The following MYLK4 variants were observed in gnomAD, a reference collection of about 807,000 sequenced individuals.
The protein encoded by MYLK4 is caMLCK like.
MYLK4 carries 46 observed loss-of-function variants against 48.1 expected under a neutral mutation model. The observed-to-expected ratio is 0.96, with a 90% CI of 0.75 to 1.22. The LOEUF is 1.22. MYLK4 is among the 50% of genes most tolerant of loss of function. The probability of loss-of-function intolerance (pLI) is 0.00; values close to 1 mark genes in which losing one functional copy is unlikely to be tolerated. For missense variants in MYLK4, 451 were observed against 486.1 expected, an observed-to-expected ratio of 0.93 and a Z score of 0.68; for synonymous variants, 170 against 180.8, an observed-to-expected ratio of 0.94 and a Z score of 0.48.
At chr6:2,694,524 G>GTGATGGTGGTGGTGTTC in intron 2 of MYLK4, among the ~76,000 whole-genome samples, 1 of 1,610 alleles carries the variant, frequency 6.2e-4, no homozygotes, top group Admixed American at 7.7e-3. Flanking sequence ...GGTGGTGGTG[G>GTGATGGTGGTGGTGTTC]TGGTGGTAGT....
rs993864556 is a variant in MYLK4 at position 2,666,062 on chromosome 6, C to G, written c.*1863G>C. On this transcript the variant is annotated 3_prime_UTR_variant, in exon 13 of 13. Transcript: ENST00000274643. ...ACGCATCATAATGTAAGAGCAAAGG[C>G]TGGAAAGGAGTCAGTTTTATAACTA... 6 of 152,164 alleles carry G rather than the reference C, an allele frequency of 3.9e-5. No individual in the cohort carries two copies. The highest frequency in any genetic ancestry group is 1.4e-4 in the African/African-American group (6 of 41,442). 9.4% of individuals were successfully genotyped at this position (152,164 alleles called of 1,614,324 possible).
intron 2 of MYLK4, among the ~76,000 whole-genome samples, chr6:2,740,661 G>A (rs565486593): frequency 1.3e-5 from 2 of 152,330 alleles, no homozygotes; most frequent in African/African-American, 2.4e-5. Context: ...CCTCACGCAT[G>A]CTTGGGCTCT....
chr6:2,737,977 C>CGGGGGGGGGGGGG (rs1158504264), intron 2 of MYLK4, among the ~76,000 whole-genome samples: 1 of 2,534 alleles, frequency 3.9e-4, no homozygotes, highest in Admixed American at 4.1e-3. Flanking sequence ...GTGCCGGGGG[C>CGGGGGGGGGGGGG]GGGTGGGGGG....
chr6:2,770,157 C>G, the MYLK4 span: 3 of 1,614,230 alleles, frequency 1.9e-6, no homozygotes, highest in South Asian at 3.3e-5. Context: ...GGGACGATCA[C>G]TCTGATTGGG....
chr6:2,749,286 T>C lies in MYLK4; in HGVS notation c.9A>G (p.Lys3=). 1.2e-6 allele frequency: 2 copies of C among 1,613,708 alleles called. No homozygotes were observed. The highest frequency in any genetic ancestry group is 1.7e-6 in the Non-Finnish European group (2 of 1,179,826). ML[K]VKRLEEFNTC... is the part of the protein sequence containing the mutation. ...TGTTGAATTCTTCCAGCCTCTTCACTTTTAACATCTTAGTAGTGAGTCCGA... is the reference window on the plus strand; with the variant it reads ...TGTTGAATTCTTCCAGCCTCTTCACCTTTAACATCTTAGTAGTGAGTCCGA... The change falls in exon 2 of 13, where the codon AAA becomes AAG. Residue 3 remains lysine, a synonymous_variant. Transcript: ENST00000274643.
the MYLK4 span, chr6:2,768,940 G>C: frequency 6.6e-7 from 1 of 1,508,388 alleles, no homozygotes; most frequent in East Asian, 2.3e-5. Context: ...TATAAAGTGT[G>C]TGAGATCACT....
At chr6:2,682,921 G>A in intron 7 of MYLK4, 100 bp downstream of exon 7, 1 of 1,315,706 alleles carries the variant, frequency 7.6e-7, no homozygotes, top group Non-Finnish European at 1.1e-6. Context: ...TTTCTGAAAT[G>A]ACTGTACCAA....
At chr6:2,736,629 C>T (rs1005498206) in intron 2 of MYLK4, among the ~76,000 whole-genome samples, 1 of 152,214 alleles carries the variant, frequency 6.6e-6, no homozygotes, top group Admixed American at 6.5e-5. Flanking sequence ...CAGAGCTAGA[C>T]TGTATGCCTG....
Position 2,685,947 on chromosome 6 carries a change from A to G in MYLK4, c.342-371T>C, listed in dbSNP as rs1761525230. On this transcript the variant is annotated intron_variant, in intron 4 of 12. Transcript: ENST00000274643. The surrounding 1 kb of genome is among the most constrained non-coding windows in gnomAD (Gnocchi z 4.5). ...GCCAGATGTGATGGCATGTGTCTGTAGTCCCAGCTACTCGGGAGGCTGAGG... is the reference window on the plus strand; with the variant it reads ...GCCAGATGTGATGGCATGTGTCTGTGGTCCCAGCTACTCGGGAGGCTGAGG... Among the ~76,000 whole-genome samples, 1 of 152,072 alleles carries G rather than the reference A, an allele frequency of 6.6e-6. No homozygotes were observed. The highest frequency in any genetic ancestry group is 2.4e-5 in the African/African-American group (1 of 41,388).
intron 2 of MYLK4, among the ~76,000 whole-genome samples, chr6:2,697,213 G>A (rs537711225): frequency 2.2e-4 from 33 of 152,280 alleles, no homozygotes; most frequent in African/African-American, 7.0e-4. Flanking sequence ...AGATAACACC[G>A]TGCTTCACAC....
chr6:2,672,198 G>A lies in MYLK4; in HGVS notation c.1120-850C>T, dbSNP rs982440771. On this transcript the variant is annotated intron_variant, in intron 11 of 12. Transcript: ENST00000274643. This position sits in a 1 kb window ranked among gnomAD's most constrained non-coding sequence, Gnocchi z 4.3. The stretch of plus-strand genomic sequence containing the variant: ...AGAAAACATGTCAAATTTGTGTCGT[G>A]TTCCTTCCTCTGGCCCCAGAACCCT... 2.0e-5 allele frequency among the ~76,000 whole-genome samples: 3 copies of A among 152,192 alleles called. No homozygotes were observed. Among genetic ancestry groups the A allele is most frequent in the Non-Finnish European group, 4.4e-5 (3 of 68,042 alleles).
At chr6:2,730,113 C>G (rs1419461252) in intron 2 of MYLK4, among the ~76,000 whole-genome samples, 1 of 152,244 alleles carries the variant, frequency 6.6e-6, no homozygotes, top group Non-Finnish European at 1.5e-5. Flanking sequence ...GGCCATCTGC[C>G]TGCAGCATGT....
intron 2 of MYLK4, among the ~76,000 whole-genome samples, chr6:2,724,145 C>T (rs1273578057): frequency 1.3e-5 from 2 of 152,062 alleles, no homozygotes; most frequent in African/African-American, 2.4e-5. Context: ...CCCAAAGTGC[C>T]GTGATTACAG....
In MYLK4 at chr6:2,709,311, A is replaced by G. The variant is rs542550860; in HGVS notation, c.160-16452T>C. Among the ~76,000 whole-genome samples, 13 of 152,328 alleles carry G rather than the reference A, an allele frequency of 8.5e-5. No homozygotes were observed. In the East Asian group the frequency reaches 2.5e-3, roughly 29 times the overall value. On this transcript the variant is annotated intron_variant, in intron 2 of 12. Coordinates refer to ENST00000274643, the MANE Select transcript of MYLK4 (RefSeq NM_001012418.5). ...AAAGAAAACATCATTTTACATCAAC[A>G]TCTTAACACTCCATATTAGCTTGCC...
chr6:2,762,366 A>T, the MYLK4 span, among the ~76,000 whole-genome samples: 1 of 152,208 alleles, frequency 6.6e-6, no homozygotes. Flanking sequence ...AAATACTAAC[A>T]ATGATTACAA....
chr6:2,762,369 G>C, the MYLK4 span, among the ~76,000 whole-genome samples: 1 of 152,136 alleles, frequency 6.6e-6, no homozygotes, highest in African/African-American at 2.4e-5. Context: ...TACTAACAAT[G>C]ATTACAAGTA....
intron 2 of MYLK4, among the ~76,000 whole-genome samples, chr6:2,699,344 T>A (rs1762200527): frequency 7.4e-6 from 1 of 134,750 alleles, no homozygotes; most frequent in African/African-American, 2.8e-5. Flanking sequence ...CAGGCTGGAG[T>A]GCAGTGGCGC....
At chr6:2,692,732 T>C in intron 3 of MYLK4, 52 bp downstream of exon 3, 4 of 1,543,720 alleles carry the variant, frequency 2.6e-6, no homozygotes, top group Non-Finnish European at 3.6e-6. Flanking sequence ...AACAGGACTT[T>C]TATAACGGAA....
chr6:2,738,789 G>C (rs1763790534), intron 2 of MYLK4, among the ~76,000 whole-genome samples: 1 of 152,176 alleles, frequency 6.6e-6, no homozygotes, highest in African/African-American at 2.4e-5. Flanking sequence ...TTCAAATAAT[G>C]TTTCATCTTG....
Sources: allele counts gnomAD v4.1 joint callset (sites outside exome capture counted in the v4.1 genomes callset), GRCh38; gene constraint gnomAD v4.1.1; non-coding constraint Gnocchi (gnomAD v3.1); transcripts MANE v1.5; gene names NCBI Gene and HGNC (gene_info 2026-07-23, HGNC 2026-07-21).